NUAK1: variants seen among roughly 807,000 people sequenced by gnomAD.
NUAK1 encodes the protein NUAK family kinase 1, also known as NUAK family SNF1-like kinase 1.
In NUAK1, 26 loss-of-function variants were observed where a neutral mutation model predicts 56.9. That is an observed-to-expected ratio of 0.46 (90% CI 0.33 to 0.63). The LOEUF is 0.63. NUAK1 is among the 30% of genes least tolerant of loss of function. NUAK1 has a pLI of 0.02. For missense variants in NUAK1, 727 were observed against 876.1 expected (o/e 0.83, Z 2.15); for synonymous variants, 337 against 336.0 (o/e 1.00, Z -0.03).
chr12:106,135,437 G>A (rs140128666), intron 1 of NUAK1, among the ~76,000 whole-genome samples: 1 of 152,350 alleles, frequency 6.6e-6, no homozygotes, highest in Non-Finnish European at 1.5e-5. Flanking sequence ...CATAGAAAAT[G>A]ATGCTGTGTT....
intron 4 of NUAK1, among the ~76,000 whole-genome samples, chr12:106,075,320 G>C (rs3066376): frequency 0.39 from 45,045 of 114,710 alleles, 7,236 homozygotes; most frequent in Non-Finnish European, 0.43. Flanking sequence ...CACACACACA[G>C]AGAGAGAGAG....
chr12:106,101,152 G>A (rs989563695), intron 2 of NUAK1, among the ~76,000 whole-genome samples: 4 of 152,108 alleles, frequency 2.6e-5, no homozygotes, highest in African/African-American at 7.2e-5. Context: ...CCCCCACCAC[G>A]CCCCCAGGTT....
At chr12:106,113,308 C>T (rs545345014) in intron 1 of NUAK1, among the ~76,000 whole-genome samples, 25 of 152,232 alleles carry the variant, frequency 1.6e-4, no homozygotes, top group Admixed American at 3.9e-4. Flanking sequence ...GCAAAAAGGC[C>T]ACCGGAAAGT....
chr12:106,135,360 C>T (rs186271655), intron 1 of NUAK1, among the ~76,000 whole-genome samples: 1 of 152,370 alleles, frequency 6.6e-6, no homozygotes, highest in East Asian at 1.9e-4. Flanking sequence ...GGACGACACA[C>T]AGGGTCGCAC....
At chr12:106,085,319 A>G (rs1321612075) in intron 3 of NUAK1, among the ~76,000 whole-genome samples, 2 of 152,254 alleles carry the variant, frequency 1.3e-5, no homozygotes, top group African/African-American at 4.8e-5. Context: ...ATACGATTCA[A>G]ATCATGAGCA....
chr12:106,138,301 C>A lies in NUAK1; in HGVS notation c.240+113G>T. 1.4e-6 allele frequency: 2 copies of A among 1,384,142 alleles called. No individual in the cohort carries two copies. The highest frequency in any genetic ancestry group is 1.5e-5 in the African/African-American group (1 of 68,612). The allele number at this position is 1,384,142 out of a possible 1,614,324, so 85.7% of individuals were successfully genotyped here. A position where few individuals can be genotyped will look rare whatever the true frequency, so the allele number is the denominator to read the frequency against. ...GTCTGTCTCGGGGCTTCCCAATGAG[C>A]CCCCTCTCTGTCAAGAGAGCCCCAG... On this transcript the variant is annotated intron_variant, in intron 1 of 6. Coordinates refer to ENST00000261402, the MANE Select transcript of NUAK1 (RefSeq NM_014840.3). This position sits in a 1 kb window ranked among gnomAD's most constrained non-coding sequence, Gnocchi z 5.0.
At chr12:106,133,348 G>A (rs182590893) in intron 1 of NUAK1, among the ~76,000 whole-genome samples, 1 of 152,260 alleles carries the variant, frequency 6.6e-6, no homozygotes, top group Admixed American at 6.5e-5. Context: ...CCCTCCTCTA[G>A]ATACCCTTCC....
At position 106,105,246 on chromosome 12, in the gene NUAK1, C is replaced by A. The variant is rs190375657; in HGVS notation, c.361+1159G>T. On this transcript the variant is annotated intron_variant, in intron 2 of 6. Transcript: ENST00000261402. ...AGTATCACAGGCATAAGCCACTGCACCCAGCAATAAGTTCATTTTTCAGCC... is the reference window on the plus strand; with the variant it reads ...AGTATCACAGGCATAAGCCACTGCAACCAGCAATAAGTTCATTTTTCAGCC... 2.5e-3 allele frequency among the ~76,000 whole-genome samples: 387 copies of A among 152,240 alleles called. 3 individuals carry two copies. Among genetic ancestry groups the A allele is most frequent in the Non-Finnish European group, 3.7e-3 (250 of 68,024 alleles).
chr12:106,138,643 G>T lies in NUAK1; in HGVS notation c.11C>A (p.Ala4Asp). 6.5e-7 allele frequency: 1 copy of T among 1,540,112 alleles called. No homozygotes were observed. The highest frequency in any genetic ancestry group is 8.7e-7 in the Non-Finnish European group (1 of 1,152,374). Residue 4 changes from alanine to aspartate, a missense_variant, in exon 1 of 7, where the codon GCC becomes GAC. Coordinates refer to ENST00000261402, the MANE Select transcript of NUAK1 (RefSeq NM_014840.3). The surrounding 1 kb of genome is among the most constrained non-coding windows in gnomAD (Gnocchi z 5.0). Reference protein sequence around the residue: MEGAAAPVAGDRPD... With the variant: MEGDAAPVAGDRPD... ...GCGGTCCCCCGCCACAGGCGCGGCG[G>T]CCCCTTCCATGTCCAAGCGCGGGGC...
chr12:106,071,423 G>T (rs2032405871), intron 5 of NUAK1, among the ~76,000 whole-genome samples: 2 of 152,274 alleles, frequency 1.3e-5, no homozygotes, highest in South Asian at 4.2e-4. Flanking sequence ...AAAGAATTGG[G>T]GTTATGACAT....
chr12:106,106,660 C>T, intron 1 of NUAK1, 135 bp from the exon 2 acceptor site: 1 of 828,164 alleles, frequency 1.2e-6, no homozygotes, highest in Non-Finnish European at 1.8e-6. Flanking sequence ...CTTGGAAATG[C>T]CCCCTTGTCA....
chr12:106,097,033 C>G (rs2032702845), intron 2 of NUAK1, among the ~76,000 whole-genome samples: 2 of 152,246 alleles, frequency 1.3e-5, no homozygotes, highest in African/African-American at 4.8e-5. Flanking sequence ...GGACATCTCA[C>G]TGATCCCTAG....
intron 2 of NUAK1, among the ~76,000 whole-genome samples, chr12:106,095,537 C>T (rs1249527439): frequency 1.3e-5 from 2 of 152,208 alleles, no homozygotes; most frequent in Non-Finnish European, 2.9e-5. Flanking sequence ...TCTTCCTCTG[C>T]TAAAATGAAG....
chr12:106,070,751 C>G (rs776767224), intron 6 of NUAK1, 23 bp downstream of exon 6: 1 of 1,614,020 alleles, frequency 6.2e-7, no homozygotes. Flanking sequence ...CCACCTCTGA[C>G]CCTCCCTCCA....
At chr12:106,087,104 C>T (rs2032580602) in intron 2 of NUAK1, 1 of 491,660 alleles carries the variant, frequency 2.0e-6, no homozygotes, top group Admixed American at 3.5e-5. Context: ...CTGGACACGC[C>T]TTTGTCATGC....
At position 106,067,778 on chromosome 12, in the gene NUAK1, C is replaced by T. The variant is rs1266733924; in HGVS notation, c.1010G>A (p.Arg337His). ...GGTGTCAGCCTGCAGCCCTGTGGAA[C>T]GGTGGTGCCAGTCAATGATCCGAGC... is the stretch of plus-strand genomic sequence containing the variant. ...LLARIIDWHH[R>H]STGLQADTEA... is the part of the protein sequence containing the mutation. The change falls in exon 7 of 7, where the codon CGT becomes CAT. Residue 337 changes from arginine to histidine, a missense_variant. Coordinates refer to ENST00000261402, the MANE Select transcript of NUAK1 (RefSeq NM_014840.3). This position sits in a 1 kb window ranked among gnomAD's most constrained non-coding sequence, Gnocchi z 6.0. 3.1e-6 allele frequency: 5 copies of T among 1,614,204 alleles called. No individual in the cohort carries two copies. Among genetic ancestry groups the T allele is most frequent in the South Asian group, 1.1e-5 (1 of 91,086 alleles).
chr12:106,126,738 C>T (rs2033028890), intron 1 of NUAK1, among the ~76,000 whole-genome samples: 2 of 152,188 alleles, frequency 1.3e-5, no homozygotes, highest in Admixed American at 6.5e-5. Context: ...TTCCTCATCC[C>T]TGGAATCTTG....
In NUAK1 at chr12:106,133,571, C is replaced by A. The variant is rs138632659; in HGVS notation, c.240+4843G>T. On this transcript the variant is annotated intron_variant, in intron 1 of 6. Coordinates refer to ENST00000261402, the MANE Select transcript of NUAK1 (RefSeq NM_014840.3). ...ACCTAACCTCCCTATGTGTCATTTT[C>A]CCCATCTGTAAAATGGGTCTCACTA... 2.9e-3 allele frequency among the ~76,000 whole-genome samples: 440 copies of A among 152,270 alleles called. 2 individuals are homozygous for A. The highest frequency in any genetic ancestry group is 9.7e-3 in the African/African-American group (402 of 41,552).
At chr12:106,071,453 C>T (rs1358232595) in intron 5 of NUAK1, among the ~76,000 whole-genome samples, 1 of 152,144 alleles carries the variant, frequency 6.6e-6, no homozygotes, top group Admixed American at 6.5e-5. Context: ...GGGATGGAGA[C>T]AAACTGTACA....
Sources: gnomAD v4.1 joint callset for allele counts (sites outside exome capture counted in the v4.1 genomes callset) on GRCh38, gnomAD v4.1.1 for gene constraint, Gnocchi (gnomAD v3.1) non-coding constraint, MANE v1.5 for transcripts, NCBI Gene and HGNC (gene_info 2026-07-23, HGNC 2026-07-21) for gene names.